Variants in LUZP2 observed in about 807,000 individuals in gnomAD.
LUZP2 encodes leucine zipper protein 2.
LUZP2 carries 52 observed loss-of-function variants against 51.6 expected under a neutral mutation model. That is an observed-to-expected ratio of 1.01 (90% CI 0.81 to 1.27). The LOEUF is 1.27. Ranked by LOEUF, LUZP2 falls within the 50% of genes most tolerant of loss-of-function variation. The pLI, the probability that LUZP2 is intolerant of heterozygous loss-of-function variation, is 0.00. For synonymous variants in LUZP2, 154 were observed against 137.3 expected (o/e 1.12, Z -0.85); for missense variants, 436 against 395.4 (o/e 1.10, Z -0.87).
chr11:24,892,931 T>A (rs1421765906), intron 5 of LUZP2: 1 of 152,206 alleles, frequency 6.6e-6, no homozygotes, highest in African/African-American at 2.4e-5. Context: ...GTTTGTAAAC[T>A]TTCCACTGGT....
chr11:24,788,084 G>C (rs1287508553), intron 5 of LUZP2, among the ~76,000 whole-genome samples: 2 of 151,786 alleles, frequency 1.3e-5, no homozygotes, highest in Non-Finnish European at 2.9e-5. Flanking sequence ...AATCTTAAGT[G>C]GGCCCTTACT....
At chr11:24,576,823 C>A (rs1852669094) in intron 1 of LUZP2, among the ~76,000 whole-genome samples, 1 of 151,974 alleles carries the variant, frequency 6.6e-6, no homozygotes, top group Non-Finnish European at 1.5e-5. Context: ...CACCAAATTA[C>A]TTGTTATATA....
chr11:24,785,557 C>A (rs1849221583), intron 5 of LUZP2, among the ~76,000 whole-genome samples: 1 of 151,010 alleles, frequency 6.6e-6, no homozygotes, highest in Non-Finnish European at 1.5e-5. Flanking sequence ...AATATAATGA[C>A]AATATAAATA....
chr11:24,678,123 G>C (rs1015811331), intron 1 of LUZP2, among the ~76,000 whole-genome samples: 5 of 149,602 alleles, frequency 3.3e-5, no homozygotes, highest in Non-Finnish European at 5.9e-5. Flanking sequence ...ATTTTTTGTT[G>C]TTTTTGACTT....
intron 1 of LUZP2, among the ~76,000 whole-genome samples, chr11:24,511,412 TAA>T (rs3077882): frequency 0.04 from 6,098 of 151,096 alleles, 153 homozygotes; most frequent in Middle Eastern, 0.11. Flanking sequence ...AATTAAAAAA[TAA>T]AAAAAAATAC....
intron 1 of LUZP2, among the ~76,000 whole-genome samples, chr11:24,606,157 G>A (rs779049659): frequency 1.6e-4 from 24 of 151,602 alleles, no homozygotes; most frequent in Non-Finnish European, 3.5e-4. Flanking sequence ...GTATGTGTAT[G>A]TGGGTAGACA....
In LUZP2 at chr11:24,976,612, G is replaced by A. The variant is rs754517210; in HGVS notation, c.544G>A (p.Glu182Lys). 32 of 1,580,958 alleles carry A rather than the reference G, an allele frequency of 2.0e-5. 1 individual carries two copies. The highest frequency in any genetic ancestry group is 1.7e-4 in the Middle Eastern group (1 of 5,872). ...ACAGGCGCAGCAGCTTACTGATCTG[G>A]AACAAAAATTAGCTGTAGCCAAAAA... Reference protein sequence around the residue: ...LFKAQQLTDLEQKLAVAKNEL... With the variant: ...LFKAQQLTDLKQKLAVAKNEL... Residue 182 changes from glutamate to lysine, a missense_variant, in exon 8 of 12, where the codon GAA (glutamate) becomes AAA (lysine). Physicochemically the swap from Glu to Lys is moderately conservative, Grantham distance 56 (BLOSUM62 1). Coordinates refer to ENST00000336930, the MANE Select transcript of LUZP2 (RefSeq NM_001009909.4).
At chr11:24,810,555 A>G (rs1849989510) in intron 5 of LUZP2, among the ~76,000 whole-genome samples, 1 of 152,064 alleles carries the variant, frequency 6.6e-6, no homozygotes, top group South Asian at 2.1e-4. Context: ...CTATCATGTG[A>G]AACAACACAG....
At chr11:24,872,680 C>T (rs1852119708) in intron 5 of LUZP2, among the ~76,000 whole-genome samples, 1 of 152,208 alleles carries the variant, frequency 6.6e-6, no homozygotes, top group Middle Eastern at 3.4e-3. Flanking sequence ...GAAAATCCTA[C>T]ACCCTGTGGG....
chr11:24,857,738 T>C (rs11028230), intron 5 of LUZP2, among the ~76,000 whole-genome samples: 23,590 of 151,846 alleles, frequency 0.16, 1,994 homozygotes, highest in African/African-American at 0.21. Context: ...AGGTTTTTTA[T>C]CTTTTAAAGC....
At chr11:24,810,081 G>A (rs774800439) in intron 5 of LUZP2, among the ~76,000 whole-genome samples, 2 of 152,096 alleles carry the variant, frequency 1.3e-5, no homozygotes, top group Non-Finnish European at 2.9e-5. Flanking sequence ...TTGTGTTCCA[G>A]GTAGTTAACA....
chr11:24,699,608 C>T (rs7484277), intron 1 of LUZP2, among the ~76,000 whole-genome samples: 39,573 of 150,844 alleles, frequency 0.26, 5,820 homozygotes, highest in Middle Eastern at 0.37. Flanking sequence ...GGAAATGTGA[C>T]GGTAGATGGA....
intron 5 of LUZP2, among the ~76,000 whole-genome samples, chr11:24,898,604 C>A (rs1211113925): frequency 3.4e-5 from 5 of 147,648 alleles, no homozygotes; most frequent in Admixed American, 1.4e-4. Context: ...GCCTGTGCGA[C>A]AGAGCAAGAC....
rs111374825 is a variant in LUZP2 at position 25,006,687 on chromosome 11, G to A, written c.765+23394G>A. Reference sequence around the variant, plus strand: ...AGTCCAATGGCACTCACCACTTGGCGATAGTCGATAGTCCCATCTGGGTCA... The same window carrying A: ...AGTCCAATGGCACTCACCACTTGGCAATAGTCGATAGTCCCATCTGGGTCA... On this transcript the variant is annotated intron_variant, in intron 9 of 11. Coordinates refer to ENST00000336930, the MANE Select transcript of LUZP2 (RefSeq NM_001009909.4). Among the ~76,000 whole-genome samples the A allele has an allele frequency of 8.5e-4, 130 of 152,172 alleles. 1 individual carries two copies. Among genetic ancestry groups the A allele is most frequent in the Non-Finnish European group, 1.3e-3 (91 of 68,040 alleles).
At chr11:24,750,908 T>C (rs1859555939) in intron 4 of LUZP2, among the ~76,000 whole-genome samples, 1 of 152,206 alleles carries the variant, frequency 6.6e-6, no homozygotes, top group Non-Finnish European at 1.5e-5. Context: ...CTCTAATCTA[T>C]TTTTAAATGA....
At chr11:24,732,052 C>T in intron 2 of LUZP2, 66 bp from the exon 3 acceptor site, 2 of 1,261,036 alleles carry the variant, frequency 1.6e-6, no homozygotes. Flanking sequence ...TACTCTAGAA[C>T]CAAAGTTAAA....
At chr11:24,643,089 A>T (rs939148562) in intron 1 of LUZP2, among the ~76,000 whole-genome samples, 3 of 151,932 alleles carry the variant, frequency 2.0e-5, no homozygotes, top group Non-Finnish European at 2.9e-5. Context: ...GAGAGCCTCA[A>T]TTATCAGAGT....
At chr11:24,763,833 C>G (rs1222155633) in intron 5 of LUZP2, among the ~76,000 whole-genome samples, 1 of 152,174 alleles carries the variant, frequency 6.6e-6, no homozygotes, top group Non-Finnish European at 1.5e-5. Flanking sequence ...TATACAATTA[C>G]TTTAATTTTT....
chr11:25,016,022 G>A (rs1052034320), intron 9 of LUZP2, among the ~76,000 whole-genome samples: 11 of 151,380 alleles, frequency 7.3e-5, no homozygotes, highest in Admixed American at 2.0e-4. Flanking sequence ...CCGGGTTCAC[G>A]CCATTCTCCT....
Sources: allele counts gnomAD v4.1 joint callset (sites outside exome capture counted in the v4.1 genomes callset), GRCh38; gene constraint gnomAD v4.1.1; transcripts MANE v1.5; gene names NCBI Gene and HGNC (gene_info 2026-07-23, HGNC 2026-07-21).